The following IGDCC3 variants were observed in gnomAD, a reference collection of about 807,000 sequenced individuals.
IGDCC3 encodes the protein immunoglobulin superfamily DCC subclass member 3, also known as putative neuronal cell adhesion molecule.
A neutral mutation model predicts 72.0 loss-of-function variants in IGDCC3; 47 were observed. The observed-to-expected ratio is 0.65, with a 90% CI of 0.52 to 0.83. IGDCC3 has a LOEUF of 0.83. Among genes scored for constraint, IGDCC3 ranks in the 40% least tolerant of loss-of-function variants. The pLI is 0.00. For synonymous variants in IGDCC3, 477 were observed against 472.8 expected (o/e 1.01, Z -0.11); for missense variants, 1,038 against 1,091.3 (o/e 0.95, Z 0.69).
chr15:65,342,131 A>G (rs2091086595), intron 2 of IGDCC3, among the ~76,000 whole-genome samples: 1 of 151,860 alleles, frequency 6.6e-6, no homozygotes, highest in Non-Finnish European at 1.5e-5. Flanking sequence ...TCATGCCTGT[A>G]ATCCCAGCAT....
rs1432201556 is a variant in IGDCC3 at position 65,339,831 on chromosome 15, AT to A, written c.410-3876del. 1.3e-5 allele frequency among the ~76,000 whole-genome samples: 2 copies of A among 152,002 alleles called. No homozygotes were observed. Among genetic ancestry groups the A allele is most frequent in the African/African-American group, 2.4e-5 (1 of 41,348 alleles). ...CTCTTGATGCTTTACACTCCTGCGG[AT>A]ATCTGTTGGTCTGGTAGGGACAGTT... is the stretch of plus-strand genomic sequence containing the variant. On this transcript the variant is annotated intron_variant, in intron 2 of 13. Transcript: ENST00000327987. This position sits in a 1 kb window ranked among gnomAD's most constrained non-coding sequence, Gnocchi z 4.1.
intron 2 of IGDCC3, among the ~76,000 whole-genome samples, chr15:65,349,350 G>T (rs1461253376): frequency 1.3e-5 from 2 of 152,206 alleles, no homozygotes; most frequent in African/African-American, 4.8e-5. Context: ...AACCCAGAAG[G>T]CTGACATGCC....
intron 2 of IGDCC3, among the ~76,000 whole-genome samples, chr15:65,366,629 C>T (rs1450123145): frequency 6.6e-6 from 1 of 152,180 alleles, no homozygotes; most frequent in South Asian, 2.1e-4. Context: ...CCCTAGGGCA[C>T]CAGCCCTTTG....
intron 2 of IGDCC3, among the ~76,000 whole-genome samples, chr15:65,364,919 A>G (rs1202079487): frequency 6.6e-6 from 1 of 152,174 alleles, no homozygotes; most frequent in Admixed American, 6.5e-5. Flanking sequence ...CATGCACGCC[A>G]GTGTTTCCTA....
intron 2 of IGDCC3, among the ~76,000 whole-genome samples, chr15:65,354,133 T>C (rs1239676935): frequency 6.6e-6 from 1 of 152,186 alleles, no homozygotes; most frequent in Non-Finnish European, 1.5e-5. Flanking sequence ...CTCGAACTCC[T>C]GACTTCAGGT....
At chr15:65,342,342 C>T (rs542097832) in intron 2 of IGDCC3, among the ~76,000 whole-genome samples, 2 of 151,264 alleles carry the variant, frequency 1.3e-5, no homozygotes, top group Non-Finnish European at 2.9e-5. Context: ...GCCGAGATCA[C>T]GCCATTGCAC....
At position 65,331,117 on chromosome 15, in the gene IGDCC3, G is replaced by C; in HGVS notation, c.1494C>G (p.Ile498Met). Residue 498 changes from isoleucine to methionine, a missense_variant, in exon 9 of 14, where the codon ATC (isoleucine) becomes ATG (methionine). Physicochemically the swap from Ile to Met is conservative, Grantham distance 10. Transcript: ENST00000327987. ...TGGCCCCCCTTGGTGTGTAGGCCTT[G>C]ATGTAGAAACTGTAGGCTGTGGAGG... ...LEPSTAYSFY[I>M]KAYTPRGASS... is the part of the protein sequence containing the mutation. The C allele has an allele frequency of 3.7e-6, 6 of 1,614,146 alleles. No individual in the cohort carries two copies. Among genetic ancestry groups the C allele is most frequent in the Non-Finnish European group, 5.1e-6 (6 of 1,180,026 alleles).
chr15:65,360,210 T>C (rs2091251715), intron 2 of IGDCC3, among the ~76,000 whole-genome samples: 1 of 152,202 alleles, frequency 6.6e-6, no homozygotes, highest in South Asian at 2.1e-4. Context: ...ATAAAAGCAA[T>C]ATCACTTTAT....
chr15:65,356,968 G>A (rs1267700685), intron 2 of IGDCC3, among the ~76,000 whole-genome samples: 3 of 148,826 alleles, frequency 2.0e-5, no homozygotes, highest in East Asian at 4.0e-4. Flanking sequence ...CCTTGCCTCC[G>A]CCTCCGAAGT....
Position 65,377,656 on chromosome 15 carries a change from A to C in IGDCC3, c.103+30T>G. The C allele has an allele frequency of 7.0e-7, 1 of 1,429,648 alleles. No individual in the cohort carries two copies. The allele number at this position is 1,429,648 out of a possible 1,614,324, so 88.6% of individuals were successfully genotyped here. A position where few individuals can be genotyped will look rare whatever the true frequency, so the allele number is the denominator to read the frequency against. On this transcript the variant is annotated intron_variant, in intron 1 of 13. Coordinates refer to ENST00000327987, the MANE Select transcript of IGDCC3 (RefSeq NM_004884.4). The surrounding 1 kb of genome is among the most constrained non-coding windows in gnomAD (Gnocchi z 4.9). ...TCGCCCTTCCCCTGGCTCCGTCCGCAACCGCCCGGTCCGGGGCGCTTTCAC... is the reference window on the plus strand; with the variant it reads ...TCGCCCTTCCCCTGGCTCCGTCCGCCACCGCCCGGTCCGGGGCGCTTTCAC...
chr15:65,377,797 C>A lies in IGDCC3; in HGVS notation c.-9G>T. On this transcript the variant is annotated 5_prime_UTR_variant, in exon 1 of 14. Coordinates refer to ENST00000327987, the MANE Select transcript of IGDCC3 (RefSeq NM_004884.4). This position sits in a 1 kb window ranked among gnomAD's most constrained non-coding sequence, Gnocchi z 4.9. ...GCGCGCTGCACAGCCATGGGGCTCT[C>A]GGTCAGCTCGGCTCGGCGACGCGCG... 1 of 1,210,818 alleles carries A rather than the reference C, an allele frequency of 8.3e-7. No homozygotes were observed. The highest frequency in any genetic ancestry group is 1.0e-6 in the Non-Finnish European group (1 of 974,176). The allele number at this position is 1,210,818 out of a possible 1,614,324, so 75.0% of individuals were successfully genotyped here.
chr15:65,346,421 A>C (rs1031921002), intron 2 of IGDCC3, among the ~76,000 whole-genome samples: 1 of 151,190 alleles, frequency 6.6e-6, no homozygotes, highest in Non-Finnish European at 1.5e-5. Context: ...GTGAAATGCT[A>C]GTGGCGTCCA....
chr15:65,331,243 T>C (rs1567060331), intron 8 of IGDCC3, 29 bp from the exon 9 acceptor site: 4 of 1,608,618 alleles, frequency 2.5e-6, no homozygotes, highest in Non-Finnish European at 3.4e-6. Context: ...GGCAGGGGAG[T>C]GTGAAGGACT....
intron 2 of IGDCC3, among the ~76,000 whole-genome samples, chr15:65,346,976 C>G (rs771990299): frequency 6.6e-6 from 1 of 152,166 alleles, no homozygotes; most frequent in Non-Finnish European, 1.5e-5. Flanking sequence ...TCCTCTCTGC[C>G]TTGGACTTGA....
At position 65,377,394 on chromosome 15, in the gene IGDCC3, C is replaced by T. The variant is rs2091365380; in HGVS notation, c.103+292G>A. On this transcript the variant is annotated intron_variant, in intron 1 of 13. Transcript: ENST00000327987. This position sits in a 1 kb window ranked among gnomAD's most constrained non-coding sequence, Gnocchi z 4.9. Reference sequence around the variant, plus strand: ...GGCTCGTTTCCCTCGGTCTCCACGCCAGCCCGCCCCGCTTGCTCCCGCTTC... The same window carrying T: ...GGCTCGTTTCCCTCGGTCTCCACGCTAGCCCGCCCCGCTTGCTCCCGCTTC... 6.6e-6 allele frequency among the ~76,000 whole-genome samples: 1 copy of T among 152,154 alleles called. No homozygotes were observed.
Position 65,329,620 on chromosome 15 carries a change from G to C in IGDCC3, c.1998-23C>G, listed in dbSNP as rs762351598. On this transcript the variant is annotated intron_variant, in intron 12 of 13. Transcript: ENST00000327987. The surrounding 1 kb of genome is among the most constrained non-coding windows in gnomAD (Gnocchi z 4.1). ...ACCCTAAGGGTTAGCCAAGAGTTGG[G>C]GGGAGGGAGAGAGAAAAGAGACAGA... The C allele has an allele frequency of 6.2e-7, 1 of 1,612,526 alleles. No individual in the cohort carries two copies. Among genetic ancestry groups the C allele is most frequent in the Admixed American group, 1.7e-5 (1 of 59,972 alleles).
chr15:65,356,150 G>A (rs2091218657), intron 2 of IGDCC3: 1 of 174,288 alleles, frequency 5.7e-6, no homozygotes, highest in Non-Finnish European at 1.2e-5. Context: ...ATCCCATTTC[G>A]CCGATACACA....
chr15:65,330,816 C>T (rs926551396), intron 9 of IGDCC3, 75 bp from the exon 10 acceptor site: 64 of 1,322,324 alleles, frequency 4.8e-5, no homozygotes, highest in Non-Finnish European at 6.5e-5. Flanking sequence ...CCTGTGACCC[C>T]GACCCCCAAA....
intron 2 of IGDCC3, among the ~76,000 whole-genome samples, chr15:65,348,286 C>T (rs2091143189): frequency 6.6e-6 from 1 of 152,210 alleles, no homozygotes; most frequent in Non-Finnish European, 1.5e-5. Flanking sequence ...CTTGCTTTCA[C>T]TTTGCACTGC....
Sources: gnomAD v4.1 joint callset for allele counts (sites outside exome capture counted in the v4.1 genomes callset) on GRCh38, gnomAD v4.1.1 for gene constraint, Gnocchi (gnomAD v3.1) non-coding constraint, MANE v1.5 for transcripts, NCBI Gene and HGNC (gene_info 2026-07-23, HGNC 2026-07-21) for gene names.